The following SESTD1 variants were observed in gnomAD, a reference collection of about 807,000 sequenced individuals.
SESTD1 encodes the protein SEC14 domain and spectrin repeat-containing protein 1.
SESTD1 carries 43 observed loss-of-function variants against 101.7 expected under a neutral mutation model. The ratio of observed to expected loss-of-function variants is 0.42; its 90% CI spans 0.33 to 0.55. The LOEUF is 0.55. Among genes scored for constraint, SESTD1 ranks in the 20% least tolerant of loss-of-function variants. SESTD1 has a pLI of 0.07. For synonymous variants in SESTD1, 283 were observed against 286.8 expected (o/e 0.99, Z 0.13); for missense variants, 647 against 815.1 (o/e 0.79, Z 2.51).
At chr2:179,203,743 C>CTTG (rs2046554296) in intron 1 of SESTD1, among the ~76,000 whole-genome samples, 1 of 133,830 alleles carries the variant, frequency 7.5e-6, no homozygotes, top group Non-Finnish European at 1.6e-5. Flanking sequence ...GGACCCAATA[C>CTTG]TTGTGCCTGG....
rs1359963787 is a variant in SESTD1, at chr2:179,208,387, C to A, written c.-25-16521G>T. ...AAGTCCAAAGAACACCCAGGAAATT[C>A]TTTGCAAAAAGATAATCACCTAGGC... On this transcript the variant is annotated intron_variant, in intron 1 of 17. Coordinates refer to ENST00000428443, the MANE Select transcript of SESTD1 (RefSeq NM_178123.5). Among the ~76,000 whole-genome samples, 11 of 134,616 alleles carry A rather than the reference C, an allele frequency of 8.2e-5. 3 individuals are homozygous for A. The highest frequency in any genetic ancestry group is 1.4e-4 in the Admixed American group (2 of 13,846). The allele number at this position is 134,616 out of a possible 152,430, so 88.3% of individuals were successfully genotyped here.
rs775469416 is a variant in SESTD1 at position 179,203,919 on chromosome 2, C to A, written c.-25-12053G>T. ...CCTGTCTATAAAAAATAAAAAGAAA[C>A]AAATAAATAAAGTGAGGACAGTCTT... On this transcript the variant is annotated intron_variant, in intron 1 of 17. Coordinates refer to ENST00000428443, the MANE Select transcript of SESTD1 (RefSeq NM_178123.5). Among the ~76,000 whole-genome samples, 36 of 133,858 alleles carry A rather than the reference C, an allele frequency of 2.7e-4. 7 individuals carry two copies. The highest frequency in any genetic ancestry group is 6.4e-5 in the Non-Finnish European group (4 of 62,446). 87.8% of individuals were successfully genotyped at this position (133,858 alleles called of 152,430 possible). A position where few individuals can be genotyped will look rare whatever the true frequency, so the allele number is the denominator to read the frequency against.
At chr2:179,179,465 A>T (rs750880170) in intron 3 of SESTD1, among the ~76,000 whole-genome samples, 1 of 152,186 alleles carries the variant, frequency 6.6e-6, no homozygotes, top group Non-Finnish European at 1.5e-5. Flanking sequence ...TGGGGCCAAC[A>T]TCCTGCAGAT....
rs2044421408 is a variant in SESTD1, at chr2:179,107,951, G to A, written c.*1948C>T. ...AAGAACTTCCTGGATGTTCTCAGAA[G>A]CAGTGACCACATAAGACAAGAGGGA... On this transcript the variant is annotated 3_prime_UTR_variant, in exon 18 of 18. Transcript: ENST00000428443. 2 of 152,180 alleles carry A rather than the reference G, an allele frequency of 1.3e-5. No homozygotes were observed. Among genetic ancestry groups the A allele is most frequent in the Admixed American group, 6.5e-5 (1 of 15,276 alleles). The allele number at this position is 152,180 out of a possible 1,614,324, so 9.4% of individuals were successfully genotyped here.
At chr2:179,175,324 A>G (rs2045992658) in intron 4 of SESTD1, among the ~76,000 whole-genome samples, 1 of 152,204 alleles carries the variant, frequency 6.6e-6, no homozygotes, top group African/African-American at 2.4e-5. Flanking sequence ...ATTAACCTAA[A>G]TAAATGATAA....
At chr2:179,247,529 A>G (rs1323819718) in intron 1 of SESTD1, among the ~76,000 whole-genome samples, 1 of 152,086 alleles carries the variant, frequency 6.6e-6, no homozygotes, top group Non-Finnish European at 1.5e-5. Context: ...GTCTCACACA[A>G]TCCCTCCCAC....
chr2:179,197,579 A>G (rs2046422609), intron 1 of SESTD1, among the ~76,000 whole-genome samples: 1 of 152,272 alleles, frequency 6.6e-6, no homozygotes, highest in Non-Finnish European at 1.5e-5. Context: ...GTTACCCTCA[A>G]AGGGAAGCCC....
At chr2:179,204,043 G>A (rs999145012) in intron 1 of SESTD1, among the ~76,000 whole-genome samples, 4 of 134,964 alleles carry the variant, frequency 3.0e-5, no homozygotes, top group East Asian at 2.0e-4. Flanking sequence ...CTGGAGAGCT[G>A]GAGAATTGAT....
chr2:179,248,968 G>T (rs2047273212), intron 1 of SESTD1, among the ~76,000 whole-genome samples: 1 of 151,114 alleles, frequency 6.6e-6, no homozygotes, highest in African/African-American at 2.4e-5. Context: ...GTGCCCACCT[G>T]TGGTCCTAGC....
intron 1 of SESTD1, among the ~76,000 whole-genome samples, chr2:179,219,425 T>C (rs1448090492): frequency 6.6e-6 from 1 of 152,250 alleles, no homozygotes; most frequent in Non-Finnish European, 1.5e-5. Flanking sequence ...AAATCATCTC[T>C]AGTAAGTCTA....
Position 179,225,329 on chromosome 2 carries a change from T to G in SESTD1, c.-25-33463A>C, listed in dbSNP as rs978676057. ...ACTCTTAAGCTCTAAGTTATATAAA[T>G]TCTCATGCTCGTGGTAATTAATGTA... On this transcript the variant is annotated intron_variant, in intron 1 of 17. Coordinates refer to ENST00000428443, the MANE Select transcript of SESTD1 (RefSeq NM_178123.5). Among the ~76,000 whole-genome samples, 9 of 152,264 alleles carry G rather than the reference T, an allele frequency of 5.9e-5. No homozygotes were observed. The East Asian group carries it at 1.2e-3, about 20-fold the overall frequency.
At chr2:179,234,990 T>A (rs1187515387) in intron 1 of SESTD1, among the ~76,000 whole-genome samples, 2 of 148,706 alleles carry the variant, frequency 1.3e-5, no homozygotes, top group Non-Finnish European at 1.5e-5. Context: ...AAAGGAAGAC[T>A]GAGGAAGTGT....
chr2:179,156,797 T>C (rs192509100), intron 5 of SESTD1, among the ~76,000 whole-genome samples: 1 of 152,230 alleles, frequency 6.6e-6, no homozygotes, highest in Non-Finnish European at 1.5e-5. Context: ...TGACTGTTCA[T>C]TTTGCCATAC....
At chr2:179,119,798 CT>C (rs2044707810) in intron 13 of SESTD1, among the ~76,000 whole-genome samples, 1 of 152,146 alleles carries the variant, frequency 6.6e-6, no homozygotes, top group Non-Finnish European at 1.5e-5. Context: ...CACTCTTTTC[CT>C]CTTTCTCCAT....
At chr2:179,162,906 G>A (rs1182192341) in intron 5 of SESTD1, among the ~76,000 whole-genome samples, 11 of 150,982 alleles carry the variant, frequency 7.3e-5, no homozygotes, top group African/African-American at 9.8e-5. Flanking sequence ...CAGGAGAATC[G>A]CTTGAACCTG....
intron 17 of SESTD1, among the ~76,000 whole-genome samples, chr2:179,111,370 G>GTGTC (rs1377656924): frequency 6.6e-6 from 1 of 152,178 alleles, no homozygotes; most frequent in Non-Finnish European, 1.5e-5. Flanking sequence ...TGCTTATTAT[G>GTGTC]TGTCAGATCT....
At chr2:179,115,604 T>A (rs1366273249) in intron 15 of SESTD1, among the ~76,000 whole-genome samples, 1 of 151,846 alleles carries the variant, frequency 6.6e-6, no homozygotes, top group East Asian at 1.9e-4. Context: ...AAAAATTAGT[T>A]GAGTTTGGCC....
At chr2:179,198,530 T>G (rs918950091) in intron 1 of SESTD1, among the ~76,000 whole-genome samples, 2 of 151,830 alleles carry the variant, frequency 1.3e-5, no homozygotes, top group African/African-American at 4.8e-5. Flanking sequence ...CCACACCTAT[T>G]CCAAAATTGA....
chr2:179,153,311 G>A (rs1471358425), intron 5 of SESTD1, among the ~76,000 whole-genome samples: 3 of 152,158 alleles, frequency 2.0e-5, no homozygotes, highest in Non-Finnish European at 4.4e-5. Context: ...GAGGAACAAA[G>A]CCAGTGAGTG....
Sources: allele counts gnomAD v4.1 joint callset (sites outside exome capture counted in the v4.1 genomes callset), GRCh38; gene constraint gnomAD v4.1.1; transcripts MANE v1.5; gene names NCBI Gene and HGNC (gene_info 2026-07-23, HGNC 2026-07-21).